STPG2: variants seen among roughly 807,000 people sequenced by gnomAD.
STPG2 encodes the protein sperm tail PG-rich repeat containing 2.
A neutral mutation model predicts 54.2 loss-of-function variants in STPG2; 56 were observed. That is an observed-to-expected ratio of 1.03 (90% CI 0.83 to 1.29). STPG2 has a LOEUF of 1.29. Ranked by LOEUF, STPG2 falls within the 50% of genes most tolerant of loss-of-function variation. The pLI is 0.00. For synonymous variants in STPG2, 200 were observed against 181.8 expected (o/e 1.10, Z -0.81); for missense variants, 596 against 544.9 (o/e 1.09, Z -0.93).
At chr4:97,486,470 C>T (rs776938410) in intron 4 of STPG2, among the ~76,000 whole-genome samples, 13 of 151,708 alleles carry the variant, frequency 8.6e-5, no homozygotes, top group Non-Finnish European at 1.6e-4. Context: ...CAGTGCAATA[C>T]CACCTACTCC....
intron 4 of STPG2, among the ~76,000 whole-genome samples, chr4:97,476,773 T>C (rs2148818156): frequency 6.6e-6 from 1 of 152,340 alleles, no homozygotes; most frequent in Non-Finnish European, 1.5e-5. Flanking sequence ...ATTACATTGT[T>C]GTTATCACTT....
intron 10 of STPG2, among the ~76,000 whole-genome samples, chr4:97,591,211 A>AT (rs1733138223): frequency 6.6e-6 from 1 of 152,182 alleles, no homozygotes; most frequent in Admixed American, 6.6e-5. Flanking sequence ...GAAAAGATCC[A>AT]TTTGTCAGAT....
At chr4:98,095,941 A>C (rs905129097) in intron 5 of STPG2, among the ~76,000 whole-genome samples, 4 of 152,246 alleles carry the variant, frequency 2.6e-5, no homozygotes, top group African/African-American at 9.6e-5. Context: ...AAATTCAAAA[A>C]AATGAAATCA....
At chr4:97,669,902 A>G (rs1722645978) in intron 10 of STPG2, among the ~76,000 whole-genome samples, 1 of 152,174 alleles carries the variant, frequency 6.6e-6, no homozygotes, top group Non-Finnish European at 1.5e-5. Flanking sequence ...ACAGTAAAGC[A>G]ACTCTGCATG....
intron 5 of STPG2, among the ~76,000 whole-genome samples, chr4:98,033,108 G>T (rs2149301371): frequency 7.5e-6 from 1 of 132,914 alleles, no homozygotes; most frequent in Non-Finnish European, 1.7e-5. Context: ...AACTGAAGAA[G>T]ATAGAAACAC....
At chr4:98,142,989 A>G (rs552639238) in intron 1 of STPG2, 53 bp downstream of exon 1, 1 of 1,471,818 alleles carries the variant, frequency 6.8e-7, no homozygotes, top group South Asian at 1.2e-5. Context: ...GAAGCGGAGC[A>G]GGCTGAAGAT....
chr4:97,526,734 T>G (rs945974466), intron 4 of STPG2, among the ~76,000 whole-genome samples: 2 of 152,052 alleles, frequency 1.3e-5, no homozygotes, highest in African/African-American at 2.4e-5. Context: ...GGTGTTTTAG[T>G]CATGAAGTCT....
chr4:98,095,411 T>TGCTG (rs1366204195), intron 5 of STPG2, among the ~76,000 whole-genome samples: 1 of 152,186 alleles, frequency 6.6e-6, no homozygotes, highest in East Asian at 1.9e-4. Flanking sequence ...CCCAGTGTTA[T>TGCTG]GCTGCCGACA....
intron 8 of STPG2, among the ~76,000 whole-genome samples, chr4:97,910,055 C>A (rs951988231): frequency 6.6e-6 from 1 of 152,098 alleles, no homozygotes; most frequent in Non-Finnish European, 1.5e-5. Context: ...TGTGACTATA[C>A]CCTCTCTGCT....
chr4:97,986,483 T>C (rs909168407), intron 5 of STPG2, among the ~76,000 whole-genome samples: 1 of 152,208 alleles, frequency 6.6e-6, no homozygotes, highest in African/African-American at 2.4e-5. Context: ...AAATGACCTA[T>C]GGCCAGGCTC....
At chr4:97,783,280 C>A (rs1426615566) in intron 9 of STPG2, among the ~76,000 whole-genome samples, 2 of 152,206 alleles carry the variant, frequency 1.3e-5, no homozygotes, top group Non-Finnish European at 2.9e-5. Context: ...TGAACAGCCA[C>A]TTCTCAAAGA....
chr4:97,826,816 A>G (rs1728273962), intron 9 of STPG2, among the ~76,000 whole-genome samples: 1 of 152,252 alleles, frequency 6.6e-6, no homozygotes, highest in Non-Finnish European at 1.5e-5. Context: ...CACAGTGTAT[A>G]TTATCAGTAA....
Position 98,022,084 on chromosome 4 carries a change from T to C in STPG2, c.613-40766A>G, listed in dbSNP as rs1394084153. Among the ~76,000 whole-genome samples the C allele has an allele frequency of 2.9e-4, 44 of 152,074 alleles. No individual in the cohort carries two copies. The South Asian group carries it at 7.5e-3, about 26-fold the overall frequency. ...TATGATGTTAGCTGGTTATTTTGCT[T>C]GTTAGTTGATGCAGTTTCTTCCTAG... On this transcript the variant is annotated intron_variant, in intron 5 of 10. Transcript: ENST00000295268.
At chr4:97,547,411 C>T (rs1176735782) in intron 4 of STPG2, among the ~76,000 whole-genome samples, 7 of 152,102 alleles carry the variant, frequency 4.6e-5, no homozygotes, top group Non-Finnish European at 7.4e-5. Flanking sequence ...GGGGTTTCAC[C>T]GTGTTAGCCA....
At chr4:97,507,968 C>T (rs145085246) in intron 4 of STPG2, among the ~76,000 whole-genome samples, 45 of 152,060 alleles carry the variant, frequency 3.0e-4, no homozygotes, top group African/African-American at 9.9e-4. Context: ...TTTAGCCGCC[C>T]GCTACTCCCC....
chr4:97,793,378 C>T (rs201947917), intron 9 of STPG2, among the ~76,000 whole-genome samples: 24,314 of 149,210 alleles, frequency 0.16, 2,157 homozygotes, highest in East Asian at 0.36. Flanking sequence ...TATACACACA[C>T]ACACACACAC....
At chr4:97,663,590 A>C (rs1722434445) in intron 10 of STPG2, among the ~76,000 whole-genome samples, 1 of 152,188 alleles carries the variant, frequency 6.6e-6, no homozygotes, top group Non-Finnish European at 1.5e-5. Flanking sequence ...AAACTTCTGA[A>C]AATAACATAT....
At chr4:97,772,072 CTGCTGAGAAAACACAACATCA>C (rs1173356364) in intron 9 of STPG2, among the ~76,000 whole-genome samples, 1 of 152,196 alleles carries the variant, frequency 6.6e-6, no homozygotes, top group Non-Finnish European at 1.5e-5. Context: ...TCAGCACCCT[CTGCTGAGAAAACACAACATCA>C]TGCTCATTGT....
At chr4:98,133,090 G>T (rs933246910) in intron 2 of STPG2, among the ~76,000 whole-genome samples, 11 of 151,844 alleles carry the variant, frequency 7.2e-5, no homozygotes, top group African/African-American at 2.4e-4. Flanking sequence ...ATTAGCAACA[G>T]CTTGGTTTTA....
Sources: allele counts gnomAD v4.1 joint callset (sites outside exome capture counted in the v4.1 genomes callset), GRCh38; gene constraint gnomAD v4.1.1; transcripts MANE v1.5; gene names NCBI Gene and HGNC (gene_info 2026-07-23, HGNC 2026-07-21).